The following MYH16 variants were observed in gnomAD, a reference collection of about 807,000 sequenced individuals.
MYH16 encodes the protein putative uncharacterized protein MYH16.
exon 38 of MYH16, chr7:99,301,610 G>T (rs1349197499): frequency 6.5e-6 from 1 of 153,126 alleles, no homozygotes; most frequent in East Asian, 1.9e-4. Flanking sequence ...GGACCTGCAG[G>T]TCCAGATGGA....
At chr7:99,273,070 A>G (rs1440521203) in intron 19 of MYH16, among the ~76,000 whole-genome samples, 1 of 152,176 alleles carries the variant, frequency 6.6e-6, no homozygotes, top group Non-Finnish European at 1.5e-5. Context: ...TGCAGGAGTC[A>G]ATGACTGGTA....
intron 18 of MYH16, among the ~76,000 whole-genome samples, chr7:99,268,071 A>G (rs573030920): frequency 3.9e-5 from 6 of 152,248 alleles, no homozygotes; most frequent in Non-Finnish European, 8.8e-5. Flanking sequence ...GGCTCTAGGG[A>G]CACACAGTGA....
intron 4 of MYH16, among the ~76,000 whole-genome samples, chr7:99,249,646 C>T (rs1221991429): frequency 4.8e-5 from 7 of 146,106 alleles, no homozygotes; most frequent in Admixed American, 6.8e-5. Context: ...GCCTCCACCT[C>T]CTGGGTTCAA....
intron 22 of MYH16, among the ~76,000 whole-genome samples, chr7:99,280,672 G>A (rs1792189130): frequency 6.6e-6 from 1 of 152,198 alleles, no homozygotes; most frequent in South Asian, 2.1e-4. Flanking sequence ...CCTAGGGGAT[G>A]CCACTGCCGA....
chr7:99,251,269 G>A (rs1791806249), intron 6 of MYH16: 1 of 156,360 alleles, frequency 6.4e-6, no homozygotes, highest in Admixed American at 6.5e-5. Context: ...AATGGAGGCT[G>A]GTTTAAATTA....
At chr7:99,286,916 C>G (rs1019104646) in intron 28 of MYH16, among the ~76,000 whole-genome samples, 1 of 152,306 alleles carries the variant, frequency 6.6e-6, no homozygotes, top group African/African-American at 2.4e-5. Context: ...GATGGCACCA[C>G]TGCACTCCAG....
chr7:99,246,008 C>T (rs1192044959), intron 2 of MYH16, among the ~76,000 whole-genome samples: 1 of 151,586 alleles, frequency 6.6e-6, no homozygotes, highest in Admixed American at 6.6e-5. Context: ...TCATGACAAG[C>T]CTGAGCAACA....
chr7:99,242,962 CTG>C (rs1360562562), intron 1 of MYH16, among the ~76,000 whole-genome samples: 2 of 152,236 alleles, frequency 1.3e-5, no homozygotes, highest in Admixed American at 1.3e-4. Flanking sequence ...CCAGAGGTCT[CTG>C]TAACATAGGG....
chr7:99,256,500 A>C (rs1043514233), intron 9 of MYH16, among the ~76,000 whole-genome samples: 8 of 151,910 alleles, frequency 5.3e-5, no homozygotes, highest in Non-Finnish European at 7.4e-5. Context: ...CTGGCCAGGC[A>C]TGGTAGCCCA....
intron 21 of MYH16, 27 bp downstream of exon 3, chr7:99,277,739 TGGGAAACCCA>T (rs1304847186): frequency 2.2e-6 from 1 of 448,484 alleles, no homozygotes; most frequent in African/African-American, 2.0e-5. Context: ...GGGAGAAGGG[TGGGAAACCCA>T]TACAGCCTGG....
At chr7:99,268,679 T>C (rs529004183) in intron 18 of MYH16, among the ~76,000 whole-genome samples, 5 of 152,342 alleles carry the variant, frequency 3.3e-5, no homozygotes, top group African/African-American at 1.2e-4. Context: ...GTTCCTATGT[T>C]TGGAGTTGGC....
intron 11 of MYH16, among the ~76,000 whole-genome samples, chr7:99,259,629 T>C (rs1791914982): frequency 6.6e-6 from 1 of 151,660 alleles, no homozygotes; most frequent in Non-Finnish European, 1.5e-5. Flanking sequence ...TGGCTAATTT[T>C]GTATTTTTAG....
chr7:99,284,904 C>G, exon 26 of MYH16: 1 of 456,708 alleles, frequency 2.2e-6, no homozygotes, highest in Non-Finnish European at 4.4e-6. Flanking sequence ...TCTCTGAATT[C>G]CACGCTGCAG....
chr7:99,239,429 A>G (rs1791637166), intron 1 of MYH16, among the ~76,000 whole-genome samples: 1 of 152,176 alleles, frequency 6.6e-6, no homozygotes, highest in African/African-American at 2.4e-5. Flanking sequence ...CCCTGGTGGC[A>G]TGAGGGCCAT....
intron 18 of MYH16, among the ~76,000 whole-genome samples, chr7:99,270,325 T>A (rs867886635): frequency 0.017 from 2,395 of 143,722 alleles, 60 homozygotes; most frequent in African/African-American, 0.056. Flanking sequence ...AAAAAAAAAT[T>A]TTTTTTTTTT....
At chr7:99,290,200 C>T (rs543797235) in intron 30 of MYH16, among the ~76,000 whole-genome samples, 1 of 152,278 alleles carries the variant, frequency 6.6e-6, no homozygotes, top group East Asian at 1.9e-4. Context: ...TAACAATATC[C>T]TGGCTGGGTG....
intron 2 of MYH16, among the ~76,000 whole-genome samples, chr7:99,247,425 T>A (rs1196920846): frequency 6.6e-6 from 1 of 152,220 alleles, no homozygotes; most frequent in Non-Finnish European, 1.5e-5. Flanking sequence ...TCCACCTGCC[T>A]CGGTCTCCCA....
At position 99,239,799 on chromosome 7, in the gene MYH16, C is replaced by T. The variant is rs144756258; in HGVS notation, n.210+761C>T. Among the ~76,000 whole-genome samples, 12 of 152,308 alleles carry T rather than the reference C, an allele frequency of 7.9e-5. No homozygotes were observed. The East Asian group carries it at 2.3e-3, about 29-fold the overall frequency. On this transcript the variant is annotated intron_variant and non_coding_transcript_variant, in intron 1 of 41. Transcript: ENST00000439784. Reference sequence around the variant, plus strand: ...TGCTGTAAATCAGGGACACTTCCCCCCAGACAGCTGGTTTACCAACCCACC... The same window carrying T: ...TGCTGTAAATCAGGGACACTTCCCCTCAGACAGCTGGTTTACCAACCCACC...
At chr7:99,300,967 G>A (rs1369468835) in intron 37 of MYH16, among the ~76,000 whole-genome samples, 1 of 151,982 alleles carries the variant, frequency 6.6e-6, no homozygotes, top group Non-Finnish European at 1.5e-5. Flanking sequence ...GGCCGAGGTG[G>A]GCAAATCACT....
Sources: allele counts gnomAD v4.1 joint callset (sites outside exome capture counted in the v4.1 genomes callset), GRCh38; gene constraint gnomAD v4.1.1; transcripts MANE v1.5; gene names NCBI Gene and HGNC (gene_info 2026-07-23, HGNC 2026-07-21).